The following JAM2 variants were observed in gnomAD, a reference collection of about 807,000 sequenced individuals.
The protein encoded by JAM2 is junctional adhesion molecule 2, also known as junctional adhesion molecule B.
In JAM2, 17 loss-of-function variants were observed where a neutral mutation model predicts 42.0. The ratio of observed to expected loss-of-function variants is 0.40; its 90% CI spans 0.28 to 0.61. JAM2 has a LOEUF of 0.61. JAM2 is among the 20% of genes least tolerant of loss of function. JAM2 has a pLI of 0.37. For synonymous variants in JAM2, 118 were observed against 128.6 expected (o/e 0.92, Z 0.56); for missense variants, 319 against 358.3 (o/e 0.89, Z 0.89).
chr21:25,712,263 A>AC, intron 8 of JAM2, 77 bp from the exon 9 acceptor site: 1 of 999,204 alleles, frequency 1.0e-6, no homozygotes, highest in Non-Finnish European at 1.6e-6. Flanking sequence ...TGGAAGTAAA[A>AC]TTAACTAAAA....
At chr21:25,707,759 T>C (rs867449485) in intron 7 of JAM2, among the ~76,000 whole-genome samples, 2 of 152,182 alleles carry the variant, frequency 1.3e-5, no homozygotes, top group African/African-American at 2.4e-5. Context: ...AAAATAAAAT[T>C]CTTAATTGAA....
rs8133602 is a variant in JAM2 at position 25,683,938 on chromosome 21, A to G, written c.123A>G (p.Val41=). The change falls in exon 2 of 10, where the codon GTA becomes GTG. Residue 41 remains valine, a synonymous_variant. Coordinates refer to ENST00000480456, the MANE Select transcript of JAM2 (RefSeq NM_021219.4). ...APKDQQVVTA[V]EYQEAILACK... ...AAGACCAACAAGTAGTCACAGCAGTAGAGTACCAAGGTACAGTATCTTACT... is the reference window on the plus strand; with the variant it reads ...AAGACCAACAAGTAGTCACAGCAGTGGAGTACCAAGGTACAGTATCTTACT... The G allele has an allele frequency of 0.092, 147,272 of 1,600,512 alleles. 8,302 individuals are homozygous for G. Among genetic ancestry groups the G allele is most frequent in the East Asian group, 0.29 (13,159 of 44,632 alleles).
At chr21:25,712,071 T>G (rs2034394574) in intron 8 of JAM2, 1 of 388,720 alleles carries the variant, frequency 2.6e-6, no homozygotes, top group South Asian at 3.0e-5. Context: ...CTCTGGTTTG[T>G]GTATTCCACA....
At chr21:25,712,276 G>A (rs2034399764) in intron 8 of JAM2, 64 bp from the exon 9 acceptor site, 1 of 1,061,932 alleles carries the variant, frequency 9.4e-7, no homozygotes, top group Non-Finnish European at 1.5e-6. Flanking sequence ...AACTAAAAGA[G>A]CATATATGTT....
chr21:25,683,591 G>A (rs2033685389), intron 1 of JAM2, among the ~76,000 whole-genome samples: 1 of 152,158 alleles, frequency 6.6e-6, no homozygotes, highest in Non-Finnish European at 1.5e-5. Context: ...AAGGATGTAA[G>A]TTATTTTTCA....
intron 1 of JAM2, among the ~76,000 whole-genome samples, chr21:25,640,222 TCACTACC>T (rs1365795451): frequency 6.6e-6 from 1 of 152,146 alleles, no homozygotes; most frequent in Non-Finnish European, 1.5e-5. Context: ...AATGCAAAAC[TCACTACC>T]CACTGGTAAG....
intron 6 of JAM2, among the ~76,000 whole-genome samples, chr21:25,703,779 A>AAC (rs2034216153): frequency 6.6e-6 from 1 of 151,558 alleles, no homozygotes; most frequent in South Asian, 2.1e-4. Flanking sequence ...AAAAAAAAAA[A>AAC]AACACAAAAT....
At chr21:25,661,117 C>A (rs2033077263) in intron 1 of JAM2, among the ~76,000 whole-genome samples, 1 of 151,944 alleles carries the variant, frequency 6.6e-6, no homozygotes, top group Admixed American at 6.6e-5. Flanking sequence ...TATTCCTGTA[C>A]TATTTGGAAT....
At chr21:25,705,751 G>T in intron 6 of JAM2, among the ~76,000 whole-genome samples, 1 of 152,146 alleles carries the variant, frequency 6.6e-6, no homozygotes, top group East Asian at 1.9e-4. Flanking sequence ...TTTAATCTGA[G>T]AAGTTTTTAA....
intron 1 of JAM2, among the ~76,000 whole-genome samples, chr21:25,653,209 G>A (rs1445128421): frequency 6.6e-6 from 1 of 152,166 alleles, no homozygotes; most frequent in South Asian, 2.1e-4. Flanking sequence ...TAAATGAGAA[G>A]GGAGTTAGGA....
In JAM2 at chr21:25,639,764, C is replaced by A; in HGVS notation, c.-58C>A. 1 of 1,241,926 alleles carries A rather than the reference C, an allele frequency of 8.1e-7. No individual in the cohort carries two copies. The highest frequency in any genetic ancestry group is 1.1e-6 in the Non-Finnish European group (1 of 886,954). The allele number at this position is 1,241,926 out of a possible 1,614,324, so 76.9% of individuals were successfully genotyped here. On this transcript the variant is annotated 5_prime_UTR_variant, in exon 1 of 10. Coordinates refer to ENST00000480456, the MANE Select transcript of JAM2 (RefSeq NM_021219.4). ...AAGTTCAAGGGCCCCCGGCCTCCTG[C>A]GCTCCTGCCGCCGGGACCCTCGACC...
chr21:25,713,795 A>T (rs1484758786), intron 9 of JAM2, among the ~76,000 whole-genome samples: 11 of 152,234 alleles, frequency 7.2e-5, no homozygotes, highest in Admixed American at 6.5e-5. Context: ...TACAGAAAGT[A>T]CTCTTGGAGT....
chr21:25,641,150 AAC>A (rs2032428557), intron 1 of JAM2, among the ~76,000 whole-genome samples: 1 of 152,232 alleles, frequency 6.6e-6, no homozygotes, highest in South Asian at 2.1e-4. Flanking sequence ...TATCATATGG[AAC>A]ACACAGAAGA....
chr21:25,645,368 T>G (rs1278542532), intron 1 of JAM2, among the ~76,000 whole-genome samples: 1 of 152,210 alleles, frequency 6.6e-6, no homozygotes, highest in East Asian at 1.9e-4. Context: ...CATAGAGGTT[T>G]AGGGAGAATT....
intron 9 of JAM2, among the ~76,000 whole-genome samples, chr21:25,712,973 T>G (rs9989935): frequency 6.6e-6 from 1 of 152,204 alleles, no homozygotes; most frequent in Non-Finnish European, 1.5e-5. Flanking sequence ...AAGGCACCAG[T>G]AGACTCAATG....
chr21:25,689,129 G>T (rs2033820137), intron 2 of JAM2, among the ~76,000 whole-genome samples: 1 of 151,644 alleles, frequency 6.6e-6, no homozygotes, highest in African/African-American at 2.4e-5. Context: ...TGTAATAAAA[G>T]AACTTAGCTA....
chr21:25,692,410 G>A lies in JAM2; in HGVS notation c.242-1346G>A, dbSNP rs573253453. Reference sequence around the variant, plus strand: ...CAATCACTGACAAGGAGATTGACATGCTTGATCTGGCATATGGACTGACAG... The same window carrying A: ...CAATCACTGACAAGGAGATTGACATACTTGATCTGGCATATGGACTGACAG... On this transcript the variant is annotated intron_variant, in intron 3 of 9. Coordinates refer to ENST00000480456, the MANE Select transcript of JAM2 (RefSeq NM_021219.4). The A allele has an allele frequency of 5.4e-5, 11 of 203,524 alleles. No individual in the cohort carries two copies. The South Asian group carries it at 1.1e-3, about 21-fold the overall frequency. 12.6% of individuals were successfully genotyped at this position (203,524 alleles called of 1,614,324 possible). A position where few individuals can be genotyped will look rare whatever the true frequency, so the allele number is the denominator to read the frequency against.
chr21:25,661,275 G>A (rs1204617138), intron 1 of JAM2, among the ~76,000 whole-genome samples: 2 of 151,986 alleles, frequency 1.3e-5, no homozygotes, highest in Non-Finnish European at 2.9e-5. Flanking sequence ...GGGCAACATG[G>A]CAAGATTCCA....
At chr21:25,683,024 G>C (rs561873789) in intron 1 of JAM2, among the ~76,000 whole-genome samples, 2 of 152,230 alleles carry the variant, frequency 1.3e-5, no homozygotes, top group South Asian at 4.2e-4. Context: ...TATAGGTACA[G>C]GACAGGGGCA....
Sources: allele counts gnomAD v4.1 joint callset (sites outside exome capture counted in the v4.1 genomes callset), GRCh38; gene constraint gnomAD v4.1.1; transcripts MANE v1.5; gene names NCBI Gene and HGNC (gene_info 2026-07-23, HGNC 2026-07-21).